Variants in TUBB2A observed in about 807,000 individuals in gnomAD.
The protein encoded by TUBB2A is tubulin beta 2A class IIa.
A neutral mutation model predicts 33.9 loss-of-function variants in TUBB2A; 7 were observed. The ratio of observed to expected loss-of-function variants is 0.21; its 90% CI spans 0.12 to 0.39. The LOEUF (loss-of-function observed/expected upper bound fraction) is 0.39, where lower values mean the gene tolerates loss of function less well. TUBB2A is among the 10% of genes least tolerant of loss of function. The pLI is 1.00. For missense variants in TUBB2A, 80 were observed against 593.4 expected (o/e 0.13, Z 8.99); for synonymous variants, 187 against 247.6 (o/e 0.76, Z 2.30).
chr6:3,157,358 C>A, intron 1 of TUBB2A, 49 bp downstream of exon 1: 1 of 1,435,512 alleles, frequency 7.0e-7, no homozygotes, highest in South Asian at 1.4e-5. Flanking sequence ...CCGGCCCCAG[C>A]CCGCACCCTC....
In TUBB2A at chr6:3,153,878, G is replaced by A. The variant is rs62637713; in HGVS notation, c.1323C>T (p.Gly441=). The A allele has an allele frequency of 1.5e-3, 2,488 of 1,613,926 alleles. 24 individuals are homozygous for A. In the African/African-American group the frequency reaches 0.029, roughly 19 times the overall value. Residue 441 remains glycine, a synonymous_variant, in exon 4 of 4, where the codon GGC becomes GGT. Coordinates refer to ENST00000333628, the MANE Select transcript of TUBB2A (RefSeq NM_001069.3). ...TGAGAAGTTTTTAAGCCTCGTCCTCGCCCTCCTCCTCCTCGAACTCCCCTT... is the reference window on the plus strand; with the variant it reads ...TGAGAAGTTTTTAAGCCTCGTCCTCACCCTCCTCCTCCTCGAACTCCCCTT... ...DEQGEFEEEE[G]EDEA
In TUBB2A at chr6:3,157,506, G is replaced by T; in HGVS notation, c.-43C>A. On this transcript the variant is annotated 5_prime_UTR_variant, in exon 1 of 4. Transcript: ENST00000333628. ...GGGTGGCGCTGGCCCTCGGAGCGGT[G>T]CGCGGCGTGGACCGGCGGGCTGGGC... 1 of 1,470,184 alleles carries T rather than the reference G, an allele frequency of 6.8e-7. No homozygotes were observed. Among genetic ancestry groups the T allele is most frequent in the Non-Finnish European group, 9.0e-7 (1 of 1,114,864 alleles). The allele number at this position is 1,470,184 out of a possible 1,614,324, so 91.1% of individuals were successfully genotyped here.
In TUBB2A at chr6:3,155,762, C is replaced by G. The variant is rs1430343592; in HGVS notation, c.167-27G>C. 6.3e-7 allele frequency: 1 copy of G among 1,579,292 alleles called. No homozygotes were observed. The highest frequency in any genetic ancestry group is 8.7e-7 in the Non-Finnish European group (1 of 1,150,180). On this transcript the variant is annotated intron_variant, in intron 2 of 3. Transcript: ENST00000333628. The surrounding 1 kb of genome is among the most constrained non-coding windows in gnomAD (Gnocchi z 4.2). ...TGCAGGAAATAAGAACTGACTCAGG[C>G]CTGTGCTTGGGGAGGGACTCACAGC...
intron 1 of TUBB2A, among the ~76,000 whole-genome samples, chr6:3,157,183 G>C (rs755850015): frequency 2.6e-5 from 4 of 152,264 alleles, no homozygotes; most frequent in African/African-American, 4.8e-5. Context: ...CCGCAGAAGG[G>C]CTGTGTCCCA....
Position 3,155,815 on chromosome 6 carries a change from AAGG to A in TUBB2A, c.167-83_167-81del. 7.2e-7 allele frequency: 1 copy of A among 1,390,044 alleles called. No individual in the cohort carries two copies. Among genetic ancestry groups the A allele is most frequent in the Non-Finnish European group, 1.0e-6 (1 of 1,001,604 alleles). 86.1% of individuals were successfully genotyped at this position (1,390,044 alleles called of 1,614,324 possible). A position where few individuals can be genotyped will look rare whatever the true frequency, so the allele number is the denominator to read the frequency against. On this transcript the variant is annotated intron_variant, in intron 2 of 3. Coordinates refer to ENST00000333628, the MANE Select transcript of TUBB2A (RefSeq NM_001069.3). The surrounding 1 kb of genome is among the most constrained non-coding windows in gnomAD (Gnocchi z 4.2). ...CATTCAATTCCAGCATCTGAGACAA[AAGG>A]AGAACAGGAGATTTTCTGCTTTTAA...
chr6:3,155,507 T>C lies in TUBB2A; in HGVS notation c.277+118A>G. On this transcript the variant is annotated intron_variant, in intron 3 of 3. Transcript: ENST00000333628. The surrounding 1 kb of genome is among the most constrained non-coding windows in gnomAD (Gnocchi z 4.2). ...GGACTGCATGGAGCTAGGCCAGGACTCAGGGCTGCCGTGGACACAGTGTCA... is the reference window on the plus strand; with the variant it reads ...GGACTGCATGGAGCTAGGCCAGGACCCAGGGCTGCCGTGGACACAGTGTCA... 1 of 723,032 alleles carries C rather than the reference T, an allele frequency of 1.4e-6. No individual in the cohort carries two copies. The highest frequency in any genetic ancestry group is 2.2e-6 in the Non-Finnish European group (1 of 447,730). The allele number at this position is 723,032 out of a possible 1,614,324, so 44.8% of individuals were successfully genotyped here.
In TUBB2A at chr6:3,154,571, G is replaced by T; in HGVS notation, c.630C>A (p.Ile210=). 1 of 1,613,998 alleles carries T rather than the reference G, an allele frequency of 6.2e-7. No homozygotes were observed. ...TGGTCAGCTTCAGGGTGCGGAAGCA[G>T]ATGTCATACAGGGCCTCGTTATCAA... ...YSIDNEALYD[I]CFRTLKLTTP... Residue 210 remains isoleucine (I), a synonymous_variant, in exon 4 of 4, where the codon ATC becomes ATA. Transcript: ENST00000333628.
chr6:3,157,438 G>A lies in TUBB2A; in HGVS notation c.26C>T (p.Ala9Val). The change falls in exon 1 of 4, where the codon GCG becomes GTG. Residue 9 changes from alanine to valine, a missense_variant. By Grantham distance (64) the Ala-to-Val change is moderately conservative. Coordinates refer to ENST00000333628, the MANE Select transcript of TUBB2A (RefSeq NM_001069.3). ...GCCGATCTGGTTGCCGCACTGGCCC[G>A]CCTGGATGTGCACGATCTCGCGCAT... is the stretch of plus-strand genomic sequence containing the variant. MREIVHIQ[A>V]GQCGNQIGAK... The A allele has an allele frequency of 1.3e-6, 2 of 1,545,810 alleles. No individual in the cohort carries two copies. Among genetic ancestry groups the A allele is most frequent in the South Asian group, 1.2e-5 (1 of 85,164 alleles).
In TUBB2A at chr6:3,155,853, G is replaced by T; in HGVS notation, c.167-118C>A. On this transcript the variant is annotated intron_variant, in intron 2 of 3. Transcript: ENST00000333628. The surrounding 1 kb of genome is among the most constrained non-coding windows in gnomAD (Gnocchi z 4.2). ...GATTTTCTGCTTTTAAGAAAAAGGAGGTCCTGAGTGTGCTTAGCCGTGGCA... is the reference window on the plus strand; with the variant it reads ...GATTTTCTGCTTTTAAGAAAAAGGATGTCCTGAGTGTGCTTAGCCGTGGCA... The T allele has an allele frequency of 2.3e-6, 3 of 1,325,882 alleles. No homozygotes were observed. The highest frequency in any genetic ancestry group is 3.1e-6 in the Non-Finnish European group (3 of 967,778). The allele number at this position is 1,325,882 out of a possible 1,614,324, so 82.1% of individuals were successfully genotyped here.
chr6:3,157,260 A>T (rs1409002270), intron 1 of TUBB2A, 147 bp downstream of exon 1: 2 of 946,690 alleles, frequency 2.1e-6, no homozygotes, highest in East Asian at 7.8e-5. Flanking sequence ...CTGGCGGGTC[A>T]TGCAGCCTCC....
Position 3,157,505 on chromosome 6 carries a change from T to C in TUBB2A, c.-42A>G. ...CGGGTGGCGCTGGCCCTCGGAGCGGTGCGCGGCGTGGACCGGCGGGCTGGG... is the reference window on the plus strand; with the variant it reads ...CGGGTGGCGCTGGCCCTCGGAGCGGCGCGCGGCGTGGACCGGCGGGCTGGG... On this transcript the variant is annotated 5_prime_UTR_variant, in exon 1 of 4. Transcript: ENST00000333628. 2.0e-6 allele frequency: 3 copies of C among 1,471,252 alleles called. No homozygotes were observed. The highest frequency in any genetic ancestry group is 1.3e-5 in the South Asian group (1 of 77,542). The allele number at this position is 1,471,252 out of a possible 1,614,324, so 91.1% of individuals were successfully genotyped here.
chr6:3,153,779 T>A lies in TUBB2A; in HGVS notation c.*84A>T. On this transcript the variant is annotated 3_prime_UTR_variant, in exon 4 of 4. Coordinates refer to ENST00000333628, the MANE Select transcript of TUBB2A (RefSeq NM_001069.3). The stretch of plus-strand genomic sequence containing the variant: ...TGTGAATTTCTAACAGAGGCAAAAC[T>A]GAGCACCATAGTTTACAAGTAGAAA... The A allele has an allele frequency of 1.9e-6, 3 of 1,583,174 alleles. No homozygotes were observed. The highest frequency in any genetic ancestry group is 2.7e-5 in the African/African-American group (2 of 74,296).
chr6:3,153,889 C>G lies in TUBB2A; in HGVS notation c.1312G>C (p.Glu438Gln). 4 of 1,614,024 alleles carry G rather than the reference C, an allele frequency of 2.5e-6. No homozygotes were observed. Among genetic ancestry groups the G allele is most frequent in the Non-Finnish European group, 3.4e-6 (4 of 1,179,976 alleles). The change falls in exon 4 of 4, where the codon GAG becomes CAG. Residue 438 changes from glutamate to glutamine, a missense_variant. Physicochemically the swap from Glu to Gln is conservative, Grantham distance 29. Transcript: ENST00000333628. Reference sequence around the variant, plus strand: ...TAAGCCTCGTCCTCGCCCTCCTCCTCCTCGAACTCCCCTTGTTCGTCGGCC... The same window carrying G: ...TAAGCCTCGTCCTCGCCCTCCTCCTGCTCGAACTCCCCTTGTTCGTCGGCC... ...ATADEQGEFE[E>Q]EEGEDEA
intron 1 of TUBB2A, 87 bp downstream of exon 1, chr6:3,157,320 G>A: frequency 7.9e-7 from 1 of 1,271,518 alleles, no homozygotes; most frequent in Non-Finnish European, 9.9e-7. Context: ...CGGCCAGCCC[G>A]GGGCCGCCGC....
intron 3 of TUBB2A, 26 bp from the exon 4 acceptor site, chr6:3,154,949 A>C: frequency 6.2e-7 from 1 of 1,613,804 alleles, no homozygotes; most frequent in East Asian, 2.2e-5. Context: ...TGAACATTAG[A>C]CACTAAAACA....
Position 3,155,545 on chromosome 6 carries a change from A to G in TUBB2A, c.277+80T>C, listed in dbSNP as rs866680969. 12 of 1,139,626 alleles carry G rather than the reference A, an allele frequency of 1.1e-5. No homozygotes were observed. The highest frequency in any genetic ancestry group is 1.4e-5 in the Non-Finnish European group (11 of 784,106). 70.6% of individuals were successfully genotyped at this position (1,139,626 alleles called of 1,614,324 possible). On this transcript the variant is annotated intron_variant, in intron 3 of 3. Transcript: ENST00000333628. This position sits in a 1 kb window ranked among gnomAD's most constrained non-coding sequence, Gnocchi z 4.2. Reference sequence around the variant, plus strand: ...GGACACAGTGTCACCTTGGCACTGAACACTAAGAACTGTGCTTTGCAGGGC... The same window carrying G: ...GGACACAGTGTCACCTTGGCACTGAGCACTAAGAACTGTGCTTTGCAGGGC...
chr6:3,156,314 C>G (rs541551414), intron 1 of TUBB2A, 162 bp from the exon 2 acceptor site: 127 of 1,499,338 alleles, frequency 8.5e-5, no homozygotes, highest in Non-Finnish European at 1.1e-4. Flanking sequence ...CCTGCAGCAG[C>G]CGCTGCTGAG....
chr6:3,155,112 G>T lies in TUBB2A; in HGVS notation c.278-189C>A, dbSNP rs1762609757. On this transcript the variant is annotated intron_variant, in intron 3 of 3. Coordinates refer to ENST00000333628, the MANE Select transcript of TUBB2A (RefSeq NM_001069.3). The surrounding 1 kb of genome is among the most constrained non-coding windows in gnomAD (Gnocchi z 4.2). ...CAAAAACACTGGGGATCATAATAAAGTAAGAAGTAAGTTTAGCTCATCTGA... is the reference window on the plus strand; with the variant it reads ...CAAAAACACTGGGGATCATAATAAATTAAGAAGTAAGTTTAGCTCATCTGA... 32 of 1,425,998 alleles carry T rather than the reference G, an allele frequency of 2.2e-5. No individual in the cohort carries two copies. Among genetic ancestry groups the T allele is most frequent in the Non-Finnish European group, 3.0e-5 (32 of 1,076,296 alleles). 88.3% of individuals were successfully genotyped at this position (1,425,998 alleles called of 1,614,324 possible).
chr6:3,157,323 G>A (rs1427909006), intron 1 of TUBB2A, 84 bp downstream of exon 1: 28 of 1,276,768 alleles, frequency 2.2e-5, no homozygotes, highest in Non-Finnish European at 2.7e-5. Context: ...CCAGCCCGGG[G>A]CCGCCGCGGC....
Sources: allele counts gnomAD v4.1 joint callset (sites outside exome capture counted in the v4.1 genomes callset), GRCh38; gene constraint gnomAD v4.1.1; non-coding constraint Gnocchi (gnomAD v3.1); transcripts MANE v1.5; gene names NCBI Gene and HGNC (gene_info 2026-07-23, HGNC 2026-07-21).